The following UMAD1 variants were observed in gnomAD, a reference collection of about 807,000 sequenced individuals.
UMAD1 encodes the protein UBAP1-MVB12-associated (UMA) domain containing 1.
A neutral mutation model predicts 6.1 loss-of-function variants in UMAD1; 8 were observed. The observed-to-expected ratio is 1.30, with a 90% CI of 0.76 to 2.35. The LOEUF (loss-of-function observed/expected upper bound fraction) is 2.35. UMAD1 is among the 30% of genes most tolerant of loss of function. The pLI is 0.00. For synonymous variants in UMAD1, 56 were observed against 31.4 expected (o/e 1.78, Z -2.61); for missense variants, 130 against 78.4 (o/e 1.66, Z -2.49).
intron 2 of UMAD1, among the ~76,000 whole-genome samples, chr7:7,771,124 G>GTTT (rs71543846): frequency 6.9e-6 from 1 of 145,742 alleles, no homozygotes; most frequent in Admixed American, 6.8e-5. Flanking sequence ...GTTTTTGTTA[G>GTTT]TTTTTTTTTT....
chr7:7,862,042 T>C (rs2115333210), intron 3 of UMAD1, among the ~76,000 whole-genome samples: 1 of 152,292 alleles, frequency 6.6e-6, no homozygotes, highest in African/African-American at 2.4e-5. Context: ...CATACTTAGG[T>C]TATGAGAATG....
At chr7:7,645,387 C>T (rs1157652267) in intron 1 of UMAD1, among the ~76,000 whole-genome samples, 4 of 152,174 alleles carry the variant, frequency 2.6e-5, no homozygotes, top group Non-Finnish European at 5.9e-5. Flanking sequence ...TGGTAGTGCA[C>T]TAAGACTCAG....
intron 2 of UMAD1, among the ~76,000 whole-genome samples, chr7:7,746,148 G>C (rs1781569827): frequency 6.6e-6 from 1 of 152,204 alleles, no homozygotes; most frequent in Non-Finnish European, 1.5e-5. Context: ...CTCGTGGTTT[G>C]CATGCACCGT....
chr7:7,718,861 C>G (rs75417493), intron 2 of UMAD1, among the ~76,000 whole-genome samples: 1 of 151,714 alleles, frequency 6.6e-6, no homozygotes, highest in Non-Finnish European at 1.5e-5. Flanking sequence ...TAAATTATGA[C>G]TCAACAGGTA....
rs543525195 is a variant in UMAD1, at chr7:7,781,688, T to C, written c.83-19982T>C. Among the ~76,000 whole-genome samples, 47 of 152,214 alleles carry C rather than the reference T, an allele frequency of 3.1e-4. No homozygotes were observed. The South Asian group carries it at 5.0e-3, about 16-fold the overall frequency. On this transcript the variant is annotated intron_variant, in intron 2 of 3. Transcript: ENST00000682710. Reference sequence around the variant, plus strand: ...GAGATATTTTGTTTCCATTATAATTTCGTTATGTGAAAGCTATTGTATCTT... The same window carrying C: ...GAGATATTTTGTTTCCATTATAATTCCGTTATGTGAAAGCTATTGTATCTT...
chr7:7,848,783 T>C (rs1783858360), intron 3 of UMAD1, among the ~76,000 whole-genome samples: 1 of 152,168 alleles, frequency 6.6e-6, no homozygotes, highest in East Asian at 1.9e-4. Flanking sequence ...GATTATTAGG[T>C]CAATTATCAG....
chr7:7,829,997 C>T (rs1563241653), intron 3 of UMAD1, among the ~76,000 whole-genome samples: 1 of 152,180 alleles, frequency 6.6e-6, no homozygotes, highest in Non-Finnish European at 1.5e-5. Flanking sequence ...ACTACAGAGT[C>T]TTCCGACAAA....
chr7:7,665,392 G>A (rs1179918030), intron 1 of UMAD1, among the ~76,000 whole-genome samples: 1 of 152,134 alleles, frequency 6.6e-6, no homozygotes, highest in African/African-American at 2.4e-5. Context: ...ATGCAGAAAA[G>A]AAACATTTTG....
intron 1 of UMAD1, among the ~76,000 whole-genome samples, chr7:7,668,165 G>C (rs749457096): frequency 1.7e-4 from 26 of 151,808 alleles, no homozygotes; most frequent in Non-Finnish European, 3.5e-4. Flanking sequence ...TGCCTGCCTC[G>C]GTCTCCCAAA....
intron 3 of UMAD1, among the ~76,000 whole-genome samples, chr7:7,814,024 G>GC (rs1379383716): frequency 1.3e-5 from 2 of 150,258 alleles, no homozygotes; most frequent in African/African-American, 4.9e-5. Flanking sequence ...TCGCTCTGTT[G>GC]CCAGGCTGGA....
chr7:7,760,123 A>T (rs958572136), intron 2 of UMAD1, among the ~76,000 whole-genome samples: 4 of 152,110 alleles, frequency 2.6e-5, no homozygotes, highest in African/African-American at 4.8e-5. Flanking sequence ...AAGAAGTCCA[A>T]CCAGCTTGAG....
At chr7:7,719,414 G>A (rs1204299396) in intron 2 of UMAD1, among the ~76,000 whole-genome samples, 2 of 152,202 alleles carry the variant, frequency 1.3e-5, no homozygotes, top group Non-Finnish European at 2.9e-5. Flanking sequence ...AATCTCTCTG[G>A]CAAGCCCACA....
chr7:7,653,561 G>A (rs1233401023), intron 1 of UMAD1, among the ~76,000 whole-genome samples: 1 of 152,192 alleles, frequency 6.6e-6, no homozygotes, highest in Non-Finnish European at 1.5e-5. Context: ...CACGCACTAG[G>A]TGATCATACC....
intron 2 of UMAD1, among the ~76,000 whole-genome samples, chr7:7,773,414 G>T (rs1184702022): frequency 1.3e-5 from 2 of 152,182 alleles, no homozygotes; most frequent in African/African-American, 4.8e-5. Context: ...GTAGCTAAAT[G>T]TGCAACATTA....
At chr7:7,715,692 G>C (rs2115175932) in intron 2 of UMAD1, among the ~76,000 whole-genome samples, 1 of 152,276 alleles carries the variant, frequency 6.6e-6, no homozygotes, top group Non-Finnish European at 1.5e-5. Flanking sequence ...AAAAGTCATA[G>C]TTTTACCATT....
At chr7:7,702,440 T>G (rs1780483052) in intron 2 of UMAD1, among the ~76,000 whole-genome samples, 1 of 152,164 alleles carries the variant, frequency 6.6e-6, no homozygotes, top group Admixed American at 6.5e-5. Flanking sequence ...ATACGAAAAT[T>G]CTGGTTGGGG....
At chr7:7,642,136 T>C (rs1027910531) in intron 1 of UMAD1, among the ~76,000 whole-genome samples, 2 of 152,056 alleles carry the variant, frequency 1.3e-5, no homozygotes, top group African/African-American at 4.8e-5. Context: ...TCAATGTCTT[T>C]AATAGCATTT....
chr7:7,657,844 T>C (rs1785379232), intron 1 of UMAD1, among the ~76,000 whole-genome samples: 2 of 152,236 alleles, frequency 1.3e-5, no homozygotes, highest in African/African-American at 4.8e-5. Flanking sequence ...TCTAATTCTG[T>C]GAAGAAAGTC....
At chr7:7,866,437 G>A (rs917954520) in intron 3 of UMAD1, among the ~76,000 whole-genome samples, 2 of 152,160 alleles carry the variant, frequency 1.3e-5, no homozygotes, top group African/African-American at 4.8e-5. Flanking sequence ...AGTTAGTTGG[G>A]GAAGTCTTTC....
Sources: gnomAD v4.1 joint callset for allele counts (sites outside exome capture counted in the v4.1 genomes callset) on GRCh38, gnomAD v4.1.1 for gene constraint, MANE v1.5 for transcripts, NCBI Gene and HGNC (gene_info 2026-07-23, HGNC 2026-07-21) for gene names.